WDPCP: variants seen among roughly 807,000 people sequenced by gnomAD.
WDPCP encodes WD repeat containing planar cell polarity effector.
Under a neutral mutation model 93.1 loss-of-function variants are expected in WDPCP, and 71 were observed. That is an observed-to-expected ratio of 0.76 (90% CI 0.63 to 0.93). WDPCP has a LOEUF of 0.93. Among genes scored for constraint, WDPCP ranks in the 40% least tolerant of loss-of-function variants. The probability of loss-of-function intolerance (pLI) is 0.00; values close to 1 mark genes in which losing one functional copy is unlikely to be tolerated. For missense variants in WDPCP, 844 were observed against 887.4 expected, an observed-to-expected ratio of 0.95 and a Z score of 0.62; for synonymous variants, 315 against 315.0, an observed-to-expected ratio of 1.00 and a Z score of 0.00.
intron 3 of WDPCP, among the ~76,000 whole-genome samples, chr2:63,633,065 A>C (rs1418066082): frequency 6.6e-6 from 1 of 152,214 alleles, no homozygotes; most frequent in African/African-American, 2.4e-5. Context: ...GGAGAGAGTG[A>C]GATATATTCA....
At chr2:63,369,582 ATG>A in intron 12 of WDPCP, 2 of 450,206 alleles carry the variant, frequency 4.4e-6, no homozygotes, top group Admixed American at 2.4e-5. Flanking sequence ...TACATCCCAA[ATG>A]AAAAAAATAA....
At chr2:63,235,867 T>C (rs1208823391) in intron 14 of WDPCP, among the ~76,000 whole-genome samples, 1 of 152,154 alleles carries the variant, frequency 6.6e-6, no homozygotes, top group Non-Finnish European at 1.5e-5. Flanking sequence ...GAGCCATCTA[T>C]GACAAACCCA....
chr2:63,818,325 A>G (rs921662380), intron 1 of WDPCP, among the ~76,000 whole-genome samples: 1 of 152,262 alleles, frequency 6.6e-6, no homozygotes, highest in African/African-American at 2.4e-5. Context: ...GCTATCAGCC[A>G]GAAAGGGCTT....
In WDPCP at chr2:63,120,275, C is replaced by T. The variant is rs1669478998; in HGVS notation, c.*1731G>A. Among the ~76,000 whole-genome samples the T allele has an allele frequency of 6.6e-6, 1 of 152,036 alleles. No homozygotes were observed. The highest frequency in any genetic ancestry group is 2.1e-4 in the South Asian group (1 of 4,828). ...TAGGAGAATGAAAATTTGCTGGTAA[C>T]TCAGTTTGGCTTACATGTTATGCAT... On this transcript the variant is annotated 3_prime_UTR_variant, in exon 18 of 18. Transcript: ENST00000272321.
chr2:63,618,876 A>G (rs2106633851), intron 3 of WDPCP, among the ~76,000 whole-genome samples: 1 of 152,166 alleles, frequency 6.6e-6, no homozygotes, highest in East Asian at 1.9e-4. Flanking sequence ...TTTAGTAGAG[A>G]CAGGGTTTCT....
intron 12 of WDPCP, 104 bp downstream of exon 12, chr2:63,378,282 T>G: frequency 1.4e-6 from 2 of 1,468,358 alleles, no homozygotes; most frequent in Admixed American, 3.5e-5. Flanking sequence ...GGAGATGGAC[T>G]GTTAGGAAAC....
At chr2:63,379,481 T>G (rs1164289361) in intron 11 of WDPCP, among the ~76,000 whole-genome samples, 2 of 152,110 alleles carry the variant, frequency 1.3e-5, no homozygotes, top group African/African-American at 2.4e-5. Context: ...AAGATGAACT[T>G]TAGGGGTATT....
At chr2:63,755,935 A>G (rs1265289390) in intron 2 of WDPCP, among the ~76,000 whole-genome samples, 1 of 152,250 alleles carries the variant, frequency 6.6e-6, no homozygotes, top group East Asian at 1.9e-4. Flanking sequence ...TAGGTCAGAG[A>G]CCAGGTAATT....
At chr2:63,203,176 AT>A (rs1197376922) in intron 14 of WDPCP, among the ~76,000 whole-genome samples, 1 of 152,078 alleles carries the variant, frequency 6.6e-6, no homozygotes, top group Admixed American at 6.6e-5. Flanking sequence ...TTTAAAAAAA[AT>A]TTTTGTGGGT....
chr2:63,340,240 A>C (rs1324188057), intron 12 of WDPCP, among the ~76,000 whole-genome samples: 1 of 152,132 alleles, frequency 6.6e-6, no homozygotes, highest in Non-Finnish European at 1.5e-5. Flanking sequence ...AGCTATAGTA[A>C]ATGATCAGAG....
At chr2:63,251,432 C>A (rs1203985113) in intron 14 of WDPCP, among the ~76,000 whole-genome samples, 4 of 151,436 alleles carry the variant, frequency 2.6e-5, no homozygotes, top group Admixed American at 2.0e-4. Context: ...AAAGTGAAAC[C>A]CTGAACAGAA....
At chr2:63,738,096 A>G (rs560852728) in intron 2 of WDPCP, among the ~76,000 whole-genome samples, 1 of 152,146 alleles carries the variant, frequency 6.6e-6, no homozygotes, top group Non-Finnish European at 1.5e-5. Context: ...GTCTGGAGAC[A>G]TATTCTGACA....
intron 2 of WDPCP, among the ~76,000 whole-genome samples, chr2:63,670,895 GA>G (rs1558880313): frequency 1.3e-5 from 2 of 152,098 alleles, no homozygotes; most frequent in African/African-American, 4.8e-5. Context: ...AAAAAAGTAG[GA>G]AAAAATTAGG....
chr2:63,534,587 T>C (rs183406949), intron 1 of WDPCP, among the ~76,000 whole-genome samples: 1 of 152,158 alleles, frequency 6.6e-6, no homozygotes, highest in Non-Finnish European at 1.5e-5. Context: ...ATCCATCATA[T>C]AAACAGAAAC....
At chr2:63,675,830 G>A (rs943272081) in intron 2 of WDPCP, among the ~76,000 whole-genome samples, 8 of 152,148 alleles carry the variant, frequency 5.3e-5, no homozygotes, top group African/African-American at 1.9e-4. Context: ...TTATTTAAGT[G>A]TAATGTAGTG....
chr2:63,418,917 GAGGGA>G (rs1232027548), intron 9 of WDPCP, among the ~76,000 whole-genome samples: 2 of 152,158 alleles, frequency 1.3e-5, no homozygotes, highest in Non-Finnish European at 2.9e-5. Flanking sequence ...AATGGCCAGG[GAGGGA>G]AGACTGTTAC....
At chr2:63,414,498 T>C (rs13023728) in intron 9 of WDPCP, among the ~76,000 whole-genome samples, 69 of 121,158 alleles carry the variant, frequency 5.7e-4, no homozygotes, top group East Asian at 3.2e-3. Flanking sequence ...CACACACACA[T>C]ATATATACAC....
chr2:63,323,168 A>G (rs1174985540), intron 12 of WDPCP, among the ~76,000 whole-genome samples: 1 of 152,190 alleles, frequency 6.6e-6, no homozygotes, highest in Non-Finnish European at 1.5e-5. Context: ...CGCCCAAGCG[A>G]GACTTGCCCA....
At chr2:63,455,444 A>G (rs1358438660) in intron 6 of WDPCP, among the ~76,000 whole-genome samples, 1 of 150,710 alleles carries the variant, frequency 6.6e-6, no homozygotes, top group Non-Finnish European at 1.5e-5. Flanking sequence ...ATATATACAC[A>G]CACACACACA....
Sources: allele counts gnomAD v4.1 joint callset (sites outside exome capture counted in the v4.1 genomes callset), GRCh38; gene constraint gnomAD v4.1.1; transcripts MANE v1.5; gene names NCBI Gene and HGNC (gene_info 2026-07-23, HGNC 2026-07-21).